DNAH17: variants seen among roughly 807,000 people sequenced by gnomAD.
DNAH17 encodes axonemal beta dynein heavy chain 17.
A neutral mutation model predicts 485.6 loss-of-function variants in DNAH17; 376 were observed. The observed-to-expected ratio is 0.77, with a 90% CI of 0.71 to 0.84. The LOEUF (loss-of-function observed/expected upper bound fraction) is 0.84. DNAH17 is among the 40% of genes least tolerant of loss of function. The pLI is 0.00. For synonymous variants in DNAH17, 3,031 were observed against 2,405.9 expected (o/e 1.26, Z -7.60); for missense variants, 6,370 against 5,839.3 (o/e 1.09, Z -2.96).
chr17:78,482,617 G>A (rs1209944197), intron 48 of DNAH17, among the ~76,000 whole-genome samples: 4 of 152,104 alleles, frequency 2.6e-5, no homozygotes, highest in Non-Finnish European at 4.4e-5. Flanking sequence ...GGTCACAGAT[G>A]TTGTCCCTGT....
intron 42 of DNAH17, among the ~76,000 whole-genome samples, chr17:78,492,314 ATGTCT>A (rs71365520): frequency 0.15 from 22,705 of 151,964 alleles, 1,826 homozygotes; most frequent in South Asian, 0.18. Flanking sequence ...TCCAGCCTGC[ATGTCT>A]GGGCTCCCAT....
intron 14 of DNAH17, 135 bp downstream of exon 14, chr17:78,557,973 G>A: frequency 8.9e-7 from 1 of 1,121,458 alleles, no homozygotes. Context: ...AGTATGCAGT[G>A]AATGGAAGAA....
At chr17:78,446,625 T>A (rs540474947) in intron 69 of DNAH17, among the ~76,000 whole-genome samples, 19 of 141,236 alleles carry the variant, frequency 1.3e-4, no homozygotes, top group African/African-American at 2.2e-4. Flanking sequence ...GCTGATTTTT[T>A]AAATTTATTT....
intron 67 of DNAH17, 109 bp from the exon 68 acceptor site, chr17:78,450,503 C>A: frequency 1.3e-6 from 2 of 1,481,558 alleles, no homozygotes; most frequent in Non-Finnish European, 1.8e-6. Flanking sequence ...CACCCAAGGG[C>A]TCTCAGCAGC....
At chr17:78,468,452 A>G (rs1335319902) in intron 55 of DNAH17, among the ~76,000 whole-genome samples, 165 bp downstream of exon 55, 2 of 152,138 alleles carry the variant, frequency 1.3e-5, no homozygotes, top group Non-Finnish European at 2.9e-5. Flanking sequence ...AAAAGTCTCC[A>G]GGCTCCGGTT....
chr17:78,494,480 G>A (rs2089991995), intron 40 of DNAH17, 113 bp downstream of exon 40: 3 of 1,234,336 alleles, frequency 2.4e-6, no homozygotes, highest in Non-Finnish European at 2.3e-6. Context: ...TCTCTTTGTA[G>A]CATCGGGAAA....
rs112488587 is a variant in DNAH17, at chr17:78,423,761, G to C, written c.*145C>G. ...ACACCAACCTCCACCCTCTGGTTCC[G>C]ATGTGCTTGGTTACAAAGCACCTGA... On this transcript the variant is annotated 3_prime_UTR_variant, in exon 81 of 81. Coordinates refer to ENST00000389840, the MANE Select transcript of DNAH17 (RefSeq NM_173628.4). The C allele has an allele frequency of 3.1e-5, 34 of 1,080,652 alleles. No homozygotes were observed. The highest frequency in any genetic ancestry group is 9.4e-5 in the African/African-American group (6 of 63,542). 66.9% of individuals were successfully genotyped at this position (1,080,652 alleles called of 1,614,324 possible).
At position 78,512,203 on chromosome 17, in the gene DNAH17, T is replaced by TAA. The variant is rs753844635; in HGVS notation, c.4114-1699_4114-1698dup. Reference sequence around the variant, plus strand: ...ACGGATCTCTTGGGAAGCCGTGGGCTAAGCATTGCCGCTGTGCAGGCTTTG... The same window carrying TAA: ...ACGGATCTCTTGGGAAGCCGTGGGCTAAAAGCATTGCCGCTGTGCAGGCTTTG... On this transcript the variant is annotated intron_variant, in intron 26 of 80. Coordinates refer to ENST00000389840, the MANE Select transcript of DNAH17 (RefSeq NM_173628.4). 4.6e-5 allele frequency among the ~76,000 whole-genome samples: 7 copies of TAA among 152,236 alleles called. 1 individual carries two copies. In the East Asian group the frequency reaches 1.2e-3, roughly 25 times the overall value.
intron 14 of DNAH17, among the ~76,000 whole-genome samples, chr17:78,554,638 T>A (rs2091981852): frequency 6.6e-6 from 1 of 152,086 alleles, no homozygotes; most frequent in Non-Finnish European, 1.5e-5. Flanking sequence ...CCAAGCAACA[T>A]CTTGTTTCAT....
At chr17:78,465,936 G>A (rs1456382597) in intron 56 of DNAH17, among the ~76,000 whole-genome samples, 2 of 152,110 alleles carry the variant, frequency 1.3e-5, no homozygotes, top group Non-Finnish European at 2.9e-5. Flanking sequence ...GGTGTGCCCA[G>A]CAGCTCATTG....
chr17:78,504,594 C>T (rs2090424055), intron 31 of DNAH17, among the ~76,000 whole-genome samples: 1 of 151,862 alleles, frequency 6.6e-6, no homozygotes, highest in African/African-American at 2.4e-5. Context: ...TGATTTACCT[C>T]TGCATTGTAT....
In DNAH17 at chr17:78,450,272, G is replaced by T; in HGVS notation, c.11022C>A (p.Val3674=). The T allele has an allele frequency of 6.2e-7, 1 of 1,613,960 alleles. No homozygotes were observed. The highest frequency in any genetic ancestry group is 8.5e-7 in the Non-Finnish European group (1 of 1,179,896). ...GGCGCACCTTGAGGGAGAACTGGTA[G>T]ACGGGGTTGATTTTGTTGAGATCGT... ...ILNDLNKINP[V]YQFSLKAFNV... is the part of the protein sequence containing the mutation. The change falls in exon 68 of 81, where the codon GTC becomes GTA. Residue 3674 remains valine, a synonymous_variant. Transcript: ENST00000389840.
intron 48 of DNAH17, 129 bp downstream of exon 48, chr17:78,484,739 A>ACCCCCCCGGCCCC: frequency 5.8e-6 from 2 of 347,794 alleles, no homozygotes; most frequent in Non-Finnish European, 9.1e-6. Context: ...ACGTTGCAGC[A>ACCCCCCCGGCCCC]CCCCCCCCAC....
intron 47 of DNAH17, 30 bp from the exon 48 acceptor site, chr17:78,485,063 C>T (rs2089537468): frequency 6.4e-7 from 1 of 1,569,290 alleles, no homozygotes; most frequent in Admixed American, 1.9e-5. Context: ...AGCTGCCCGC[C>T]TGCGCCTCCT....
chr17:78,570,362 A>C lies in DNAH17; in HGVS notation c.929T>G (p.Phe310Cys), dbSNP rs767361076. ...GATGGTGTCCAGCACCTTGGCAATG[A>C]AGGTGGGGAGCTGGGGGGAGACAGG... Reference protein sequence around the residue: ...EQADFTMLPTFIAKVLDTICF... With the variant: ...EQADFTMLPTCIAKVLDTICF... Residue 310 changes from phenylalanine (F) to cysteine (C), a missense_variant, in exon 7 of 81, where the codon TTC becomes TGC. Transcript: ENST00000389840. 56 of 1,610,586 alleles carry C rather than the reference A, an allele frequency of 3.5e-5. 1 individual carries two copies. The highest frequency in any genetic ancestry group is 4.4e-5 in the Non-Finnish European group (52 of 1,178,866).
At chr17:78,507,256 T>A (rs1222332068) in intron 29 of DNAH17, 22 bp downstream of exon 29, 40 of 1,612,960 alleles carry the variant, frequency 2.5e-5, no homozygotes, top group Non-Finnish European at 3.1e-5. Flanking sequence ...ACTCCCCTGG[T>A]CTGGATAGGT....
In DNAH17 at chr17:78,466,647, T is replaced by C; in HGVS notation, c.8940+8A>G. 1 of 1,603,044 alleles carries C rather than the reference T, an allele frequency of 6.2e-7. No homozygotes were observed. On this transcript the variant is annotated splice_region_variant and intron_variant, in intron 56 of 80. Transcript: ENST00000389840. ...TACACTCAGGCAGAGGTGGCCTCAG[T>C]GACTCACCGGAATCCCCTCAGTCTC...
chr17:78,492,284 C>T (rs993907595), intron 42 of DNAH17, among the ~76,000 whole-genome samples: 1 of 151,916 alleles, frequency 6.6e-6, no homozygotes, highest in Non-Finnish European at 1.5e-5. Flanking sequence ...CCGACTGAGG[C>T]CAGGGCTCCC....
intron 16 of DNAH17, among the ~76,000 whole-genome samples, chr17:78,550,861 C>T (rs1042964811): frequency 6.6e-6 from 1 of 152,152 alleles, no homozygotes; most frequent in African/African-American, 2.4e-5. Flanking sequence ...AGGGAGGACT[C>T]AAAGTATGCT....
Sources: allele counts gnomAD v4.1 joint callset (sites outside exome capture counted in the v4.1 genomes callset), GRCh38; gene constraint gnomAD v4.1.1; transcripts MANE v1.5; gene names NCBI Gene and HGNC (gene_info 2026-07-23, HGNC 2026-07-21).